The following STK33 variants were observed in gnomAD, a reference collection of about 807,000 sequenced individuals.
The protein encoded by STK33 is serine/threonine kinase 33, also known as serine/threonine-protein kinase 33.
A neutral mutation model predicts 58.0 loss-of-function variants in STK33; 52 were observed. That is an observed-to-expected ratio of 0.90 (90% CI 0.72 to 1.13). The LOEUF (loss-of-function observed/expected upper bound fraction) is 1.13. Ranked by LOEUF, STK33 falls within the 50% of genes most tolerant of loss-of-function variation. STK33 has a pLI of 0.00. For missense variants in STK33, 630 were observed against 604.2 expected (o/e 1.04, Z -0.45); for synonymous variants, 215 against 200.1 (o/e 1.07, Z -0.63).
intron 8 of STK33, among the ~76,000 whole-genome samples, chr11:8,460,562 A>C (rs1744974123): frequency 6.6e-6 from 1 of 152,166 alleles, no homozygotes; most frequent in Admixed American, 6.6e-5. Context: ...GACAATATCA[A>C]GCAATCTAAC....
At chr11:8,364,636 G>A in the STK33 span, among the ~76,000 whole-genome samples, 1 of 152,188 alleles carries the variant, frequency 6.6e-6, no homozygotes, top group Non-Finnish European at 1.5e-5. Context: ...CTTGTTGAGA[G>A]ACTGAAACTG....
intron 1 of STK33, among the ~76,000 whole-genome samples, chr11:8,548,552 A>T (rs1273720291): frequency 6.6e-6 from 1 of 152,154 alleles, no homozygotes; most frequent in Non-Finnish European, 1.5e-5. Flanking sequence ...GATGCCCTCA[A>T]CTGTGTTATT....
At chr11:8,457,545 A>G (rs1216042643) in intron 8 of STK33, 66 bp from the exon 9 acceptor site, 2 of 1,293,354 alleles carry the variant, frequency 1.5e-6, no homozygotes, top group African/African-American at 1.5e-5. Flanking sequence ...AAAATGTTAT[A>G]TATCACATAT....
At chr11:8,591,707 C>A (rs894194114) in intron 1 of STK33, among the ~76,000 whole-genome samples, 1 of 152,074 alleles carries the variant, frequency 6.6e-6, no homozygotes, top group African/African-American at 2.4e-5. Context: ...AAACTGGAAA[C>A]CATCATTCTC....
chr11:8,578,518 C>G (rs1289406197), intron 1 of STK33, among the ~76,000 whole-genome samples: 2 of 151,828 alleles, frequency 1.3e-5, no homozygotes, highest in Non-Finnish European at 1.5e-5. Flanking sequence ...CTACAGTATA[C>G]TACCACTTGT....
chr11:8,453,912 T>C (rs541689980), intron 10 of STK33, among the ~76,000 whole-genome samples: 1 of 152,314 alleles, frequency 6.6e-6, no homozygotes, highest in African/African-American at 2.4e-5. Flanking sequence ...ACATGAAACA[T>C]ACAAAAAGTT....
intron 1 of STK33, among the ~76,000 whole-genome samples, chr11:8,518,073 G>A (rs1035314749): frequency 2.0e-5 from 3 of 152,150 alleles, no homozygotes; most frequent in African/African-American, 7.2e-5. Context: ...AGGAAAAAAT[G>A]TTAAGGGCAG....
the STK33 span, among the ~76,000 whole-genome samples, chr11:8,337,053 C>G: frequency 2.6e-5 from 4 of 152,236 alleles, no homozygotes; most frequent in Admixed American, 1.3e-4. Context: ...GAGGCACTTT[C>G]ATCTTTTCTC....
At chr11:8,520,334 G>A (rs932918698) in intron 1 of STK33, among the ~76,000 whole-genome samples, 1 of 152,092 alleles carries the variant, frequency 6.6e-6, no homozygotes, top group Admixed American at 6.6e-5. Flanking sequence ...GGTATTGATG[G>A]GACATATCTC....
At chr11:8,397,242 C>T (rs894701226) in intron 15 of STK33, among the ~76,000 whole-genome samples, 1 of 152,170 alleles carries the variant, frequency 6.6e-6, no homozygotes, top group Non-Finnish European at 1.5e-5. Flanking sequence ...CTCACACGGT[C>T]GGGTACTCCT....
intron 1 of STK33, among the ~76,000 whole-genome samples, chr11:8,537,793 G>C (rs189550076): frequency 3.6e-5 from 5 of 139,702 alleles, no homozygotes; most frequent in African/African-American, 5.5e-5. Flanking sequence ...CTGGGGAACA[G>C]AGCGAGACTC....
the STK33 span, among the ~76,000 whole-genome samples, chr11:8,386,642 A>G: frequency 0.023 from 3,503 of 152,298 alleles, 59 homozygotes; most frequent in Middle Eastern, 0.051. Flanking sequence ...TGCACCACAG[A>G]ATCCGCGGAG....
chr11:8,392,054 G>C lies in STK33; in HGVS notation c.*456C>G, dbSNP rs7934876. On this transcript the variant is annotated 3_prime_UTR_variant, in exon 16 of 16. Transcript: ENST00000687296. ...GACTGAAGCACTTCTGCTGTAATAC[G>C]TATGGCAAGTTTATTAGTAATTTTC... The C allele has an allele frequency of 0.18, 29,500 of 165,886 alleles. 2,894 individuals carry two copies. The highest frequency in any genetic ancestry group is 0.24 in the African/African-American group (10,189 of 41,620). The allele number at this position is 165,886 out of a possible 1,614,324, so 10.3% of individuals were successfully genotyped here.
At chr11:8,405,909 G>A (rs964078387) in intron 15 of STK33, among the ~76,000 whole-genome samples, 3 of 152,080 alleles carry the variant, frequency 2.0e-5, no homozygotes, top group Admixed American at 2.0e-4. Context: ...TTGGGAGGCC[G>A]AGGTGGGCGG....
rs1366085207 is a variant in STK33, at chr11:8,440,753, G to GATTTTATAT, written c.872-1_872insATATAAAAT (p.Ala291delinsAspIleLysSer). On this transcript the variant is annotated protein_altering_variant and splice_region_variant. Transcript: ENST00000687296. ...GTCGTGGGCACTGATAACTTCAGGGGCTGCCAAACAAGCAGATATAAAATA... is the reference window on the plus strand; with the variant it reads ...GTCGTGGGCACTGATAACTTCAGGGGATTTTATATCTGCCAAACAAGCAGATATAAAATA... The GATTTTATAT allele has an allele frequency of 6.4e-7, 1 of 1,562,318 alleles. No individual in the cohort carries two copies. Among genetic ancestry groups the GATTTTATAT allele is most frequent in the East Asian group, 2.3e-5 (1 of 42,714 alleles).
chr11:8,410,330 C>T (rs535225847), intron 15 of STK33, among the ~76,000 whole-genome samples: 28 of 152,110 alleles, frequency 1.8e-4, no homozygotes, highest in Non-Finnish European at 3.2e-4. Flanking sequence ...TTTTAAACCA[C>T]CATGCCTTTC....
At chr11:8,462,440 TATACACACAC>T (rs1299063186) in intron 7 of STK33, among the ~76,000 whole-genome samples, 175 of 126,504 alleles carry the variant, frequency 1.4e-3, no homozygotes, top group African/African-American at 3.4e-3. Context: ...TATATACATA[TATACACACAC>T]ACACACACAC....
chr11:8,436,140 C>A lies in STK33; in HGVS notation c.948-1G>T. On this transcript the variant is annotated splice_acceptor_variant, in intron 12 of 15. Coordinates refer to ENST00000687296, the MANE Select transcript of STK33 (RefSeq NM_001352389.2). LOFTEE classifies it high-confidence loss of function. ...CAAAAAGGGTGGTTCTCCACGTAATCTGCAACAAAGGCAATCACTTTGTTT... is the reference window on the plus strand; with the variant it reads ...CAAAAAGGGTGGTTCTCCACGTAATATGCAACAAAGGCAATCACTTTGTTT... 6.5e-7 allele frequency: 1 copy of A among 1,540,710 alleles called. No homozygotes were observed.
At chr11:8,379,357 A>G in the STK33 span, among the ~76,000 whole-genome samples, 2 of 152,234 alleles carry the variant, frequency 1.3e-5, no homozygotes, top group Non-Finnish European at 2.9e-5. Context: ...GTAAACAGAC[A>G]ACCCACAGAA....
Sources: gnomAD v4.1 joint callset for allele counts (sites outside exome capture counted in the v4.1 genomes callset) on GRCh38, gnomAD v4.1.1 for gene constraint, MANE v1.5 for transcripts, NCBI Gene and HGNC (gene_info 2026-07-23, HGNC 2026-07-21) for gene names.